The following EPHA3 variants were observed in gnomAD, a reference collection of about 807,000 sequenced individuals.
The protein encoded by EPHA3 is EPH receptor A3.
EPHA3 carries 42 observed loss-of-function variants against 107.1 expected under a neutral mutation model. The observed-to-expected ratio is 0.39, with a 90% CI of 0.31 to 0.51. The LOEUF (loss-of-function observed/expected upper bound fraction) is 0.51, where lower values mean the gene tolerates loss of function less well. Ranked by LOEUF, EPHA3 falls within the 20% of genes least tolerant of loss-of-function variation. The pLI is 0.78. For missense variants in EPHA3, 1,183 were observed against 1,211.2 expected (o/e 0.98, Z 0.35); for synonymous variants, 461 against 424.8 (o/e 1.09, Z -1.05).
chr3:89,474,690 T>C (rs1344859636), intron 16 of EPHA3, among the ~76,000 whole-genome samples: 1 of 152,192 alleles, frequency 6.6e-6, no homozygotes, highest in East Asian at 1.9e-4. Context: ...AGTTTGCAAT[T>C]CAAATATTGT....
chr3:89,404,629 A>T (rs1709022946), intron 7 of EPHA3, among the ~76,000 whole-genome samples: 1 of 152,200 alleles, frequency 6.6e-6, no homozygotes, highest in African/African-American at 2.4e-5. Context: ...TCATTCACAT[A>T]TTTGCTAATT....
intron 3 of EPHA3, among the ~76,000 whole-genome samples, chr3:89,334,499 C>T (rs1330307650): frequency 1.3e-5 from 2 of 152,156 alleles, no homozygotes; most frequent in African/African-American, 4.8e-5. Flanking sequence ...AGTGTCTAGG[C>T]TAAGAAGAGT....
rs1176182903 is a variant in EPHA3 at position 89,392,776 on chromosome 3, T to C, written c.1307-3061T>C. 3.3e-5 allele frequency among the ~76,000 whole-genome samples: 5 copies of C among 152,168 alleles called. No individual in the cohort carries two copies. In the East Asian group the frequency reaches 9.6e-4, roughly 29 times the overall value. On this transcript the variant is annotated intron_variant, in intron 5 of 16. Coordinates refer to ENST00000336596, the MANE Select transcript of EPHA3 (RefSeq NM_005233.6). ...TTTGCAAATTAGTAATTTGAACAAATCACTCTTTGATATCTGAAAATTAAT... is the reference window on the plus strand; with the variant it reads ...TTTGCAAATTAGTAATTTGAACAAACCACTCTTTGATATCTGAAAATTAAT...
At chr3:89,476,608 T>A (rs2107579011) in intron 16 of EPHA3, among the ~76,000 whole-genome samples, 1 of 145,474 alleles carries the variant, frequency 6.9e-6, no homozygotes. Context: ...TTTATTTATT[T>A]ATTTATTTAA....
intron 16 of EPHA3, among the ~76,000 whole-genome samples, chr3:89,478,122 C>T (rs1057374889): frequency 6.6e-6 from 1 of 152,108 alleles, no homozygotes; most frequent in African/African-American, 2.4e-5. Context: ...ATATAATTAA[C>T]CATTTGCACA....
chr3:89,460,823 C>CTCT (rs1199238290), intron 15 of EPHA3, among the ~76,000 whole-genome samples: 29 of 102,986 alleles, frequency 2.8e-4, no homozygotes, highest in East Asian at 2.3e-3. Flanking sequence ...CTCTGTCTCT[C>CTCT]TTTTTTTTTT....
chr3:89,198,106 T>A (rs1404757366), intron 2 of EPHA3, among the ~76,000 whole-genome samples: 1 of 152,138 alleles, frequency 6.6e-6, no homozygotes, highest in East Asian at 1.9e-4. Context: ...AGCCTCAAAT[T>A]AGAAGAAACA....
chr3:89,325,485 C>G (rs553973522), intron 3 of EPHA3, among the ~76,000 whole-genome samples: 3 of 152,234 alleles, frequency 2.0e-5, no homozygotes, highest in South Asian at 4.1e-4. Flanking sequence ...TGTAGAAAAA[C>G]AAGCCACCTT....
At chr3:89,326,547 AC>A in intron 3 of EPHA3, among the ~76,000 whole-genome samples, 2 of 151,836 alleles carry the variant, frequency 1.3e-5, no homozygotes, top group East Asian at 3.9e-4. Context: ...GTGCCACCAC[AC>A]CCTGCTAATT....
rs570604469 is a variant in EPHA3 at position 89,395,930 on chromosome 3, T to A, written c.1400T>A (p.Ile467Lys). Residue 467 changes from isoleucine to lysine, a missense_variant, in exon 6 of 17, where the codon ATA (isoleucine) becomes AAA (lysine). Physicochemically the swap from Ile to Lys is moderately radical, Grantham distance 102 (BLOSUM62 -3). Coordinates refer to ENST00000336596, the MANE Select transcript of EPHA3 (RefSeq NM_005233.6). ...GAACCTGAACATCCTAATGGGATCATATTGGACTACGAGGTCAAATACTAT... is the reference window on the plus strand; with the variant it reads ...GAACCTGAACATCCTAATGGGATCAAATTGGACTACGAGGTCAAATACTAT... ...WQEPEHPNGI[I>K]LDYEVKYYEK... 1 of 1,614,020 alleles carries A rather than the reference T, an allele frequency of 6.2e-7. No individual in the cohort carries two copies. Among genetic ancestry groups the A allele is most frequent in the African/African-American group, 1.3e-5 (1 of 75,046 alleles).
intron 2 of EPHA3, among the ~76,000 whole-genome samples, chr3:89,158,849 G>A (rs1451644661): frequency 1.3e-5 from 2 of 151,974 alleles, no homozygotes; most frequent in African/African-American, 2.4e-5. Flanking sequence ...GTGGAAACTT[G>A]GTAGGCAAAT....
At chr3:89,262,961 CTCT>C (rs1183927381) in intron 3 of EPHA3, among the ~76,000 whole-genome samples, 3 of 113,936 alleles carry the variant, frequency 2.6e-5, no homozygotes, top group Non-Finnish European at 5.3e-5. Flanking sequence ...TGTTACAGCG[CTCT>C]TTTTTTTTTT....
At chr3:89,127,587 T>C (rs2106975667) in intron 2 of EPHA3, among the ~76,000 whole-genome samples, 1 of 152,142 alleles carries the variant, frequency 6.6e-6, no homozygotes, top group Non-Finnish European at 1.5e-5. Flanking sequence ...GTGAATTAAT[T>C]AGACTGTCTA....
At chr3:89,185,983 C>A (rs1396310112) in intron 2 of EPHA3, among the ~76,000 whole-genome samples, 1 of 151,506 alleles carries the variant, frequency 6.6e-6, no homozygotes, top group African/African-American at 2.4e-5. Flanking sequence ...CATTTTTTTT[C>A]TTTCTTCCTT....
intron 3 of EPHA3, among the ~76,000 whole-genome samples, chr3:89,296,916 AT>A (rs1706367315): frequency 6.6e-6 from 1 of 152,086 alleles, no homozygotes; most frequent in Non-Finnish European, 1.5e-5. Flanking sequence ...TTGCAGTTTT[AT>A]ATTATGCAGA....
At chr3:89,156,468 CT>C (rs1333228767) in intron 2 of EPHA3, among the ~76,000 whole-genome samples, 1 of 152,014 alleles carries the variant, frequency 6.6e-6, no homozygotes, top group Non-Finnish European at 1.5e-5. Context: ...TGTGCTTCTT[CT>C]CTTAATCTGT....
At chr3:89,107,907 G>A (rs1328484348) in intron 1 of EPHA3, 71 bp downstream of exon 1, 2 of 1,477,550 alleles carry the variant, frequency 1.4e-6, no homozygotes, top group East Asian at 2.3e-5. Context: ...CGTTCTCACC[G>A]AAGCCTTGCA....
intron 2 of EPHA3, among the ~76,000 whole-genome samples, chr3:89,134,369 C>A (rs1345399828): frequency 6.6e-6 from 1 of 151,956 alleles, no homozygotes; most frequent in Non-Finnish European, 1.5e-5. Context: ...CCTCCCCACT[C>A]CCCGCATCCC....
chr3:89,209,759 A>C, intron 2 of EPHA3, 101 bp from the exon 3 acceptor site: 3 of 984,802 alleles, frequency 3.0e-6, no homozygotes, highest in Admixed American at 3.4e-5. Flanking sequence ...TTTAATGAGT[A>C]AATGATGATT....
Sources: gnomAD v4.1 joint callset for allele counts (sites outside exome capture counted in the v4.1 genomes callset) on GRCh38, gnomAD v4.1.1 for gene constraint, MANE v1.5 for transcripts, NCBI Gene and HGNC (gene_info 2026-07-23, HGNC 2026-07-21) for gene names.